ZNF277: variants seen among roughly 807,000 people sequenced by gnomAD.
ZNF277 encodes the protein zinc finger protein 277.
Under a neutral mutation model 60.7 loss-of-function variants are expected in ZNF277, and 55 were observed. The observed-to-expected ratio is 0.91, with a 90% CI of 0.73 to 1.13. The LOEUF (loss-of-function observed/expected upper bound fraction) is 1.13. Among genes scored for constraint, ZNF277 ranks in the 50% most tolerant of loss-of-function variants. The pLI is 0.00. For synonymous variants in ZNF277, 178 were observed against 179.3 expected, an observed-to-expected ratio of 0.99 and a Z score of 0.06; for missense variants, 510 against 523.0, an observed-to-expected ratio of 0.98 and a Z score of 0.24.
chr7:112,336,049 C>G (rs1793323925), intron 7 of ZNF277, 55 bp from the exon 8 acceptor site: 13 of 1,460,652 alleles, frequency 8.9e-6, no homozygotes, highest in Non-Finnish European at 1.2e-5. Flanking sequence ...GTTCTACATA[C>G]TCTCTCCCTT....
At chr7:112,286,808 A>T in intron 1 of ZNF277, 65 bp from the exon 2 acceptor site, 1 of 1,346,310 alleles carries the variant, frequency 7.4e-7, no homozygotes, top group Non-Finnish European at 1.0e-6. Context: ...GAAATCATCC[A>T]TATGAAGAGT....
chr7:112,211,240 C>G (rs1821738642), intron 1 of ZNF277, among the ~76,000 whole-genome samples: 1 of 152,198 alleles, frequency 6.6e-6, no homozygotes, highest in South Asian at 2.1e-4. Flanking sequence ...TAAATGGCAT[C>G]AAGTCTAAGC....
At chr7:112,229,143 G>A (rs1822255595) in intron 1 of ZNF277, among the ~76,000 whole-genome samples, 1 of 152,190 alleles carries the variant, frequency 6.6e-6, no homozygotes, top group South Asian at 2.1e-4. Context: ...TGTATTCTTT[G>A]AGCTTATAGT....
intron 1 of ZNF277, among the ~76,000 whole-genome samples, chr7:112,233,875 A>G (rs1230896086): frequency 6.6e-6 from 1 of 152,100 alleles, no homozygotes; most frequent in East Asian, 1.9e-4. Flanking sequence ...TTTTGGTAAT[A>G]GGTCTAATAT....
chr7:112,267,176 G>T (rs1216373843), intron 1 of ZNF277, among the ~76,000 whole-genome samples: 1 of 152,168 alleles, frequency 6.6e-6, no homozygotes, highest in African/African-American at 2.4e-5. Flanking sequence ...GAAAGACTCT[G>T]ACCACTGCTA....
intron 1 of ZNF277, among the ~76,000 whole-genome samples, chr7:112,266,095 G>A (rs1791544009): frequency 6.6e-6 from 1 of 152,112 alleles, no homozygotes; most frequent in Non-Finnish European, 1.5e-5. Flanking sequence ...TCATCTTACT[G>A]CAGAAAGAGG....
At chr7:112,261,666 A>T (rs928927668) in intron 1 of ZNF277, among the ~76,000 whole-genome samples, 1 of 152,100 alleles carries the variant, frequency 6.6e-6, no homozygotes, top group Non-Finnish European at 1.5e-5. Flanking sequence ...TTTAACCTTT[A>T]TGATCCATTT....
At chr7:112,263,677 C>A (rs532644476) in intron 1 of ZNF277, among the ~76,000 whole-genome samples, 2 of 152,286 alleles carry the variant, frequency 1.3e-5, no homozygotes, top group Middle Eastern at 3.4e-3. Flanking sequence ...GTAGTTAATA[C>A]ATGGCTCTGC....
intron 1 of ZNF277, among the ~76,000 whole-genome samples, chr7:112,273,889 A>T (rs932064927): frequency 1.3e-5 from 2 of 152,186 alleles, no homozygotes; most frequent in African/African-American, 4.8e-5. Flanking sequence ...AAATAAGTTC[A>T]TAAAACTGTG....
At chr7:112,227,089 T>C (rs2116971218) in intron 1 of ZNF277, among the ~76,000 whole-genome samples, 1 of 152,322 alleles carries the variant, frequency 6.6e-6, no homozygotes, top group African/African-American at 2.4e-5. Context: ...TTTGCTGATA[T>C]CTCTTGTGGC....
chr7:112,337,923 C>A, intron 9 of ZNF277, 97 bp downstream of exon 9: 2 of 1,017,604 alleles, frequency 2.0e-6, no homozygotes, highest in Non-Finnish European at 1.4e-6. Context: ...GTTTCCCAAT[C>A]ATTATTCCAA....
At chr7:112,232,806 A>T (rs906756347) in intron 1 of ZNF277, among the ~76,000 whole-genome samples, 5 of 152,170 alleles carry the variant, frequency 3.3e-5, no homozygotes, top group African/African-American at 4.8e-5. Context: ...TACTCTTCAG[A>T]GTGATGGCCA....
intron 1 of ZNF277, among the ~76,000 whole-genome samples, chr7:112,220,268 T>A (rs1387006843): frequency 6.6e-6 from 1 of 152,190 alleles, no homozygotes; most frequent in African/African-American, 2.4e-5. Context: ...TTACAACTCT[T>A]TGGTTCATTA....
chr7:112,296,148 G>C, intron 3 of ZNF277, 81 bp from the exon 4 acceptor site: 1 of 1,102,086 alleles, frequency 9.1e-7, no homozygotes, highest in Non-Finnish European at 1.4e-6. Context: ...ACACACATCT[G>C]TATTTTTTAA....
chr7:112,207,984 C>G (rs962007792), intron 1 of ZNF277, among the ~76,000 whole-genome samples: 11 of 152,126 alleles, frequency 7.2e-5, no homozygotes, highest in Non-Finnish European at 1.5e-4. Context: ...ATTGGGCTAT[C>G]TGATGGTAAC....
intron 4 of ZNF277, among the ~76,000 whole-genome samples, chr7:112,309,689 C>T (rs1258846551): frequency 6.6e-6 from 1 of 151,902 alleles, no homozygotes; most frequent in East Asian, 1.9e-4. Context: ...AGGTTAAGGG[C>T]ACAGCCCTCC....
chr7:112,268,678 A>G (rs1791600406), intron 1 of ZNF277, among the ~76,000 whole-genome samples: 1 of 152,196 alleles, frequency 6.6e-6, no homozygotes, highest in Admixed American at 6.6e-5. Flanking sequence ...TAGAATCATG[A>G]TAACTACCTA....
chr7:112,258,248 A>G (rs1228550047), intron 1 of ZNF277, among the ~76,000 whole-genome samples: 1 of 152,150 alleles, frequency 6.6e-6, no homozygotes, highest in Non-Finnish European at 1.5e-5. Flanking sequence ...ACATTTTAGC[A>G]TCTAATATGA....
intron 5 of ZNF277, among the ~76,000 whole-genome samples, chr7:112,321,540 T>C (rs1792983924): frequency 1.3e-5 from 2 of 152,178 alleles, no homozygotes; most frequent in South Asian, 2.1e-4. Context: ...TATTTACTTA[T>C]GTAATTACCT....
Sources: gnomAD v4.1 joint callset for allele counts (sites outside exome capture counted in the v4.1 genomes callset) on GRCh38, gnomAD v4.1.1 for gene constraint, MANE v1.5 for transcripts, NCBI Gene and HGNC (gene_info 2026-07-23, HGNC 2026-07-21) for gene names.